DPP10: variants seen among roughly 807,000 people sequenced by gnomAD.
The protein encoded by DPP10 is inactive dipeptidyl peptidase 10.
DPP10 carries 33 observed loss-of-function variants against 120.9 expected under a neutral mutation model. The observed-to-expected ratio is 0.27, with a 90% confidence interval of 0.21 to 0.37. DPP10 has a LOEUF of 0.37. DPP10 is among the 10% of genes least tolerant of loss of function. DPP10 has a pLI of 1.00. For synonymous variants in DPP10, 337 were observed against 326.1 expected (o/e 1.03, Z -0.36); for missense variants, 816 against 942.8 (o/e 0.87, Z 1.76).
At chr2:115,464,405 C>CAA (rs56750262) in intron 3 of DPP10, among the ~76,000 whole-genome samples, 9,450 of 149,274 alleles carry the variant, frequency 0.063, 374 homozygotes, top group Middle Eastern at 0.094. Context: ...GTTCTGCAGC[C>CAA]AAAAAAAAAC....
At chr2:114,662,050 G>C (rs1697449720) in intron 1 of DPP10, among the ~76,000 whole-genome samples, 1 of 151,054 alleles carries the variant, frequency 6.6e-6, no homozygotes, top group Non-Finnish European at 1.5e-5. Flanking sequence ...CGCGCCCCGA[G>C]GCCTCAGGTC....
At chr2:115,598,742 GGTTT>G (rs1022947482) in intron 5 of DPP10, among the ~76,000 whole-genome samples, 1 of 149,400 alleles carries the variant, frequency 6.7e-6, no homozygotes, top group African/African-American at 2.4e-5. Flanking sequence ...TTTTTAATGC[GGTTT>G]GTTTATGATG....
At chr2:115,472,715 C>A (rs942488765) in intron 3 of DPP10, among the ~76,000 whole-genome samples, 2 of 152,114 alleles carry the variant, frequency 1.3e-5, no homozygotes, top group African/African-American at 4.8e-5. Context: ...CTATTCATTT[C>A]TTTATTTCAA....
chr2:115,648,027 T>C (rs1193800180), intron 5 of DPP10, among the ~76,000 whole-genome samples: 1 of 152,102 alleles, frequency 6.6e-6, no homozygotes, highest in Non-Finnish European at 1.5e-5. Context: ...GAAAAACTTA[T>C]TTTATGTTGT....
chr2:114,566,447 T>G (rs1689209142), intron 1 of DPP10, among the ~76,000 whole-genome samples: 1 of 152,224 alleles, frequency 6.6e-6, no homozygotes, highest in Non-Finnish European at 1.5e-5. Flanking sequence ...CCTCGACATC[T>G]TCTTTTCATT....
intron 3 of DPP10, among the ~76,000 whole-genome samples, chr2:115,489,184 T>C (rs1047828010): frequency 1.3e-5 from 2 of 152,128 alleles, no homozygotes; most frequent in Non-Finnish European, 2.9e-5. Context: ...ACTACTCAAC[T>C]ATGCTGTTAT....
At chr2:115,824,900 A>G (rs1420703102) in intron 21 of DPP10, among the ~76,000 whole-genome samples, 7 of 152,186 alleles carry the variant, frequency 4.6e-5, no homozygotes, top group African/African-American at 1.2e-4. Context: ...TGTTAGTCCT[A>G]TAAACACCAG....
intron 1 of DPP10, among the ~76,000 whole-genome samples, chr2:114,987,017 T>C (rs1204708540): frequency 6.6e-6 from 1 of 152,112 alleles, no homozygotes; most frequent in Non-Finnish European, 1.5e-5. Context: ...TGACCTCAAG[T>C]GATCCTCCCA....
intron 1 of DPP10, among the ~76,000 whole-genome samples, chr2:114,858,051 A>G (rs1262716251): frequency 6.6e-6 from 1 of 152,058 alleles, no homozygotes; most frequent in East Asian, 1.9e-4. Flanking sequence ...GTGCAGTGGC[A>G]CTATCTCAGC....
In DPP10 at chr2:114,949,410, G is replaced by A. The variant is rs556014952; in HGVS notation, c.61-359829G>A. On this transcript the variant is annotated intron_variant, in intron 1 of 25. Coordinates refer to ENST00000410059, the MANE Select transcript of DPP10 (RefSeq NM_020868.6). ...CAAACCATATCAGAGAGTATTGCTGGAAGCCACTAGTACCTATTGTTAACC... is the reference window on the plus strand; with the variant it reads ...CAAACCATATCAGAGAGTATTGCTGAAAGCCACTAGTACCTATTGTTAACC... Among the ~76,000 whole-genome samples, 226 of 152,238 alleles carry A rather than the reference G, an allele frequency of 1.5e-3. 2 individuals carry two copies. Among genetic ancestry groups the A allele is most frequent in the African/African-American group, 5.1e-3 (211 of 41,536 alleles).
chr2:115,049,459 T>C (rs1705307833), intron 1 of DPP10, among the ~76,000 whole-genome samples: 1 of 152,176 alleles, frequency 6.6e-6, no homozygotes, highest in Admixed American at 6.6e-5. Context: ...TGTCTTTATC[T>C]ATGCAATGGA....
At chr2:115,311,673 A>G (rs1224289448) in intron 2 of DPP10, among the ~76,000 whole-genome samples, 1 of 152,216 alleles carries the variant, frequency 6.6e-6, no homozygotes, top group African/African-American at 2.4e-5. Flanking sequence ...ACAAACATTT[A>G]GAAAATACAC....
chr2:114,792,442 G>C (rs1366704520), intron 1 of DPP10, among the ~76,000 whole-genome samples: 1 of 152,154 alleles, frequency 6.6e-6, no homozygotes, highest in Non-Finnish European at 1.5e-5. Context: ...ATATTCCTAA[G>C]AGGGAAATAA....
In DPP10 at chr2:115,120,740, T is replaced by G. The variant is rs150578154; in HGVS notation, c.61-188499T>G. Among the ~76,000 whole-genome samples the G allele has an allele frequency of 2.2e-3, 337 of 152,322 alleles. 1 individual carries two copies. Among genetic ancestry groups the G allele is most frequent in the African/African-American group, 7.6e-3 (316 of 41,564 alleles). ...TGACTTACATAGGTCACCTACAACA[T>G]ACTTGGATGATTTGACTTGTCCTAA... On this transcript the variant is annotated intron_variant, in intron 1 of 25. Coordinates refer to ENST00000410059, the MANE Select transcript of DPP10 (RefSeq NM_020868.6).
chr2:114,586,633 C>T (rs557215661), intron 1 of DPP10, among the ~76,000 whole-genome samples: 8 of 152,274 alleles, frequency 5.3e-5, no homozygotes, highest in South Asian at 4.1e-4. Flanking sequence ...GGTTTGTATA[C>T]GGTTTGTTTG....
At chr2:114,932,999 A>G (rs1696194449) in intron 1 of DPP10, among the ~76,000 whole-genome samples, 1 of 152,196 alleles carries the variant, frequency 6.6e-6, no homozygotes, top group South Asian at 2.1e-4. Context: ...AGAGCAGAAT[A>G]GTTATGAACT....
chr2:115,441,783 C>G (rs2072069963), intron 3 of DPP10, among the ~76,000 whole-genome samples: 1 of 151,012 alleles, frequency 6.6e-6, no homozygotes, highest in African/African-American at 2.4e-5. Flanking sequence ...TTTTGTCAGA[C>G]CTATGTCAAG....
rs1302889146 is a variant in DPP10 at position 115,377,691 on chromosome 2, T to A, written c.271+33779T>A. Among the ~76,000 whole-genome samples the A allele has an allele frequency of 2.1e-4, 32 of 152,104 alleles. No individual in the cohort carries two copies. The East Asian group carries it at 5.3e-3, about 25-fold the overall frequency. Reference sequence around the variant, plus strand: ...TAGGGTTTTTATGGTTTTAGGTTTATCGTTTAAGTCTTTAATCCATCTTGA... The same window carrying A: ...TAGGGTTTTTATGGTTTTAGGTTTAACGTTTAAGTCTTTAATCCATCTTGA... On this transcript the variant is annotated intron_variant, in intron 3 of 25. Coordinates refer to ENST00000410059, the MANE Select transcript of DPP10 (RefSeq NM_020868.6).
intron 1 of DPP10, among the ~76,000 whole-genome samples, chr2:115,183,661 G>A (rs1294678612): frequency 1.3e-5 from 2 of 152,164 alleles, no homozygotes; most frequent in Admixed American, 6.5e-5. Flanking sequence ...CCAGTCTGTG[G>A]ATCGTTTTAA....
Sources: allele counts gnomAD v4.1 joint callset (sites outside exome capture counted in the v4.1 genomes callset), GRCh38; gene constraint gnomAD v4.1.1; transcripts MANE v1.5; gene names NCBI Gene and HGNC (gene_info 2026-07-23, HGNC 2026-07-21).